DOK5: variants seen among roughly 807,000 people sequenced by gnomAD.
DOK5 encodes the protein docking protein 5, also known as downstream of tyrosine kinase 5.
Under a neutral mutation model 43.3 loss-of-function variants are expected in DOK5, and 27 were observed. That is an observed-to-expected ratio of 0.62 (90% CI 0.46 to 0.86). The LOEUF (loss-of-function observed/expected upper bound fraction) is 0.86. DOK5 is among the 40% of genes least tolerant of loss of function. The pLI, the probability that DOK5 is intolerant of heterozygous loss-of-function variation, is 0.00. For synonymous variants in DOK5, 146 were observed against 140.1 expected, an observed-to-expected ratio of 1.04 and a Z score of -0.30; for missense variants, 373 against 392.9, an observed-to-expected ratio of 0.95 and a Z score of 0.43.
chr20:54,594,075 T>G (rs1049325772), intron 5 of DOK5, among the ~76,000 whole-genome samples: 6 of 152,142 alleles, frequency 3.9e-5, no homozygotes, highest in African/African-American at 1.2e-4. Flanking sequence ...TGAAACAATC[T>G]GTACAATAAG....
chr20:54,644,557 T>A (rs34524678), intron 7 of DOK5, among the ~76,000 whole-genome samples: 6 of 98,986 alleles, frequency 6.1e-5, no homozygotes, highest in Admixed American at 2.0e-4. Flanking sequence ...CACAAAAAAA[T>A]TAGCCGGGCG....
At chr20:54,638,585 T>G (rs1457407692) in intron 6 of DOK5, among the ~76,000 whole-genome samples, 1 of 152,152 alleles carries the variant, frequency 6.6e-6, no homozygotes, top group African/African-American at 2.4e-5. Context: ...CGTTCCATGA[T>G]TCTTTTAAGT....
At chr20:54,512,582 G>A (rs534447932) in intron 1 of DOK5, among the ~76,000 whole-genome samples, 2 of 152,276 alleles carry the variant, frequency 1.3e-5, no homozygotes, top group East Asian at 1.9e-4. Context: ...GACAGTGAGG[G>A]TGATAAAACA....
At chr20:54,543,086 G>A (rs960841183) in intron 1 of DOK5, among the ~76,000 whole-genome samples, 1 of 152,134 alleles carries the variant, frequency 6.6e-6, no homozygotes, top group Non-Finnish European at 1.5e-5. Flanking sequence ...AAAATACACA[G>A]AATTTGGTGA....
chr20:54,553,892 G>A (rs1226534142), intron 1 of DOK5, among the ~76,000 whole-genome samples: 7 of 107,872 alleles, frequency 6.5e-5, no homozygotes, highest in African/African-American at 3.1e-4. Flanking sequence ...GCAAGACTCT[G>A]TCTCAAAAAA....
intron 2 of DOK5, among the ~76,000 whole-genome samples, chr20:54,583,931 C>A (rs562896983): frequency 6.6e-6 from 1 of 150,966 alleles, no homozygotes; most frequent in Non-Finnish European, 1.5e-5. Flanking sequence ...GAGGCTGAGG[C>A]GAGTGGATCA....
chr20:54,588,633 T>C, intron 3 of DOK5, 36 bp downstream of exon 3: 1 of 1,614,104 alleles, frequency 6.2e-7, no homozygotes, highest in Non-Finnish European at 8.5e-7. Context: ...CTTTTGCTTT[T>C]AGATTCTGAA....
At chr20:54,612,500 A>G (rs1986680923) in intron 6 of DOK5, among the ~76,000 whole-genome samples, 1 of 152,224 alleles carries the variant, frequency 6.6e-6, no homozygotes, top group Non-Finnish European at 1.5e-5. Flanking sequence ...ATTTGAAATG[A>G]TAGATTGAGT....
At chr20:54,637,528 G>A (rs1049833204) in intron 6 of DOK5, among the ~76,000 whole-genome samples, 2 of 152,214 alleles carry the variant, frequency 1.3e-5, no homozygotes, top group African/African-American at 4.8e-5. Flanking sequence ...CTTTCCCCAA[G>A]GTCCTGCTTC....
chr20:54,642,528 AC>A (rs1314983526), intron 6 of DOK5, among the ~76,000 whole-genome samples: 46 of 107,448 alleles, frequency 4.3e-4, no homozygotes, highest in African/African-American at 1.7e-3. Flanking sequence ...ACATGGAGAA[AC>A]CCCATCTCTA....
chr20:54,514,444 T>C (rs1983125333), intron 1 of DOK5, among the ~76,000 whole-genome samples: 1 of 152,248 alleles, frequency 6.6e-6, no homozygotes, highest in South Asian at 2.1e-4. Context: ...CTAACTTTGG[T>C]TCAGGTGTGC....
intron 1 of DOK5, among the ~76,000 whole-genome samples, chr20:54,525,812 T>G (rs1983554085): frequency 6.6e-6 from 1 of 152,234 alleles, no homozygotes; most frequent in African/African-American, 2.4e-5. Context: ...TCCTTTGATC[T>G]CCGCTGAAAT....
At chr20:54,647,094 T>G (rs925350892) in intron 7 of DOK5, among the ~76,000 whole-genome samples, 6 of 152,284 alleles carry the variant, frequency 3.9e-5, no homozygotes, top group African/African-American at 9.6e-5. Context: ...TTTTGACACG[T>G]GCCACACAAG....
At chr20:54,581,139 T>C (rs537311942) in intron 2 of DOK5, among the ~76,000 whole-genome samples, 1 of 152,264 alleles carries the variant, frequency 6.6e-6, no homozygotes, top group Non-Finnish European at 1.5e-5. Context: ...GCCTATCATT[T>C]TCCTGTTGTA....
intron 2 of DOK5, among the ~76,000 whole-genome samples, chr20:54,564,675 CA>C (rs1985033406): frequency 6.6e-6 from 1 of 152,118 alleles, no homozygotes; most frequent in African/African-American, 2.4e-5. Flanking sequence ...GAAACAAGGT[CA>C]AAGGTGATGT....
At chr20:54,622,672 C>T (rs943207802) in intron 6 of DOK5, among the ~76,000 whole-genome samples, 2 of 152,136 alleles carry the variant, frequency 1.3e-5, no homozygotes, top group African/African-American at 4.8e-5. Flanking sequence ...CAGTACATTG[C>T]GACCTTGATG....
intron 1 of DOK5, among the ~76,000 whole-genome samples, chr20:54,489,535 G>A (rs2146666436): frequency 6.6e-6 from 1 of 152,118 alleles, no homozygotes; most frequent in African/African-American, 2.4e-5. Flanking sequence ...GGATTCCCCT[G>A]TATGGATATA....
chr20:54,544,619 G>A (rs75195687), intron 1 of DOK5, among the ~76,000 whole-genome samples: 5,717 of 152,258 alleles, frequency 0.038, 131 homozygotes, highest in East Asian at 0.1. Context: ...ACAGGAGACC[G>A]GAGCCTCTGT....
chr20:54,619,938 A>T (rs974076183), intron 6 of DOK5, among the ~76,000 whole-genome samples: 1 of 152,164 alleles, frequency 6.6e-6, no homozygotes, highest in Non-Finnish European at 1.5e-5. Context: ...ATGTGTGTAA[A>T]CGCTCTTTTC....
Sources: allele counts gnomAD v4.1 joint callset (sites outside exome capture counted in the v4.1 genomes callset), GRCh38; gene constraint gnomAD v4.1.1; transcripts MANE v1.5; gene names NCBI Gene and HGNC (gene_info 2026-07-23, HGNC 2026-07-21).